Variants in MAF observed in about 807,000 individuals in gnomAD.
The protein encoded by MAF is MAF bZIP transcription factor, also known as transcription factor Maf.
MAF carries 10 observed loss-of-function variants against 22.0 expected under a neutral mutation model. The ratio of observed to expected loss-of-function variants is 0.45; its 90% CI spans 0.28 to 0.77. The LOEUF is 0.77. MAF is among the 30% of genes least tolerant of loss of function. The probability of loss-of-function intolerance (pLI) is 0.12; values close to 1 mark genes in which losing one functional copy is unlikely to be tolerated. For missense variants in MAF, 544 were observed against 548.4 expected, an observed-to-expected ratio of 0.99 and a Z score of 0.08; for synonymous variants, 337 against 255.8, an observed-to-expected ratio of 1.32 and a Z score of -3.03.
the MAF span, among the ~76,000 whole-genome samples, chr16:79,463,801 G>C: frequency 9.9e-5 from 15 of 151,196 alleles, no homozygotes; most frequent in African/African-American, 2.7e-4. Context: ...TTTTTCTTGA[G>C]GTAGTAGATC....
At chr16:79,319,747 T>C in the MAF span, among the ~76,000 whole-genome samples, 3 of 152,156 alleles carry the variant, frequency 2.0e-5, no homozygotes, top group Admixed American at 6.5e-5. Flanking sequence ...GGGCATAGAG[T>C]GAAAAGTGGC....
the MAF span, among the ~76,000 whole-genome samples, chr16:79,565,508 G>C: frequency 8.2e-6 from 1 of 122,418 alleles, no homozygotes; most frequent in African/African-American, 3.1e-5. Context: ...ACGTGTTGTG[G>C]GGGGGGGGAC....
chr16:79,535,633 A>C, the MAF span, among the ~76,000 whole-genome samples: 3 of 118,486 alleles, frequency 2.5e-5, no homozygotes, highest in African/African-American at 6.6e-5. Flanking sequence ...CTTGTCGCCC[A>C]GGCTGGAGTG....
chr16:79,294,768 CA>C, the MAF span, among the ~76,000 whole-genome samples: 1 of 152,158 alleles, frequency 6.6e-6, no homozygotes, highest in South Asian at 2.1e-4. Context: ...ACTGGTTGCA[CA>C]GGGCCAACTC....
At chr16:79,305,905 T>C in the MAF span, among the ~76,000 whole-genome samples, 8 of 152,308 alleles carry the variant, frequency 5.3e-5, no homozygotes, top group South Asian at 1.7e-3. Context: ...GACCACAGCA[T>C]GCTTTTCTGC....
At chr16:79,209,595 G>A in the MAF span, among the ~76,000 whole-genome samples, 4 of 152,160 alleles carry the variant, frequency 2.6e-5, no homozygotes, top group Admixed American at 6.5e-5. Context: ...GGCCACTCTG[G>A]TCGTTTTGGC....
the MAF span, among the ~76,000 whole-genome samples, chr16:79,492,205 A>C: frequency 1.3e-5 from 2 of 152,198 alleles, no homozygotes; most frequent in Non-Finnish European, 2.9e-5. Flanking sequence ...CTCAGACCAC[A>C]CATGAAGAAT....
the MAF span, among the ~76,000 whole-genome samples, chr16:79,482,114 G>A: frequency 3.9e-5 from 6 of 152,254 alleles, no homozygotes; most frequent in South Asian, 2.1e-4. Flanking sequence ...AGGGTTGGAC[G>A]CATTGACAAG....
chr16:79,376,662 T>C, the MAF span, among the ~76,000 whole-genome samples: 1 of 152,210 alleles, frequency 6.6e-6, no homozygotes, highest in Non-Finnish European at 1.5e-5. Flanking sequence ...TATCTCCTAA[T>C]GCTATCCCTC....
chr16:79,454,582 T>C, the MAF span, among the ~76,000 whole-genome samples: 7 of 152,196 alleles, frequency 4.6e-5, no homozygotes, highest in African/African-American at 1.4e-4. Flanking sequence ...ACAGGAATCA[T>C]GCAGCCCATT....
the MAF span, among the ~76,000 whole-genome samples, chr16:79,249,981 T>G: frequency 6.6e-6 from 1 of 152,244 alleles, no homozygotes; most frequent in Non-Finnish European, 1.5e-5. Context: ...GGGGTTAATT[T>G]TTCTCCTCAA....
the MAF span, among the ~76,000 whole-genome samples, chr16:79,388,069 C>G: frequency 6.6e-6 from 1 of 152,196 alleles, no homozygotes; most frequent in Non-Finnish European, 1.5e-5. Context: ...TTATTTTGGA[C>G]TCAGGGCTAG....
At chr16:79,384,901 A>G in the MAF span, among the ~76,000 whole-genome samples, 1 of 152,218 alleles carries the variant, frequency 6.6e-6, no homozygotes, top group Non-Finnish European at 1.5e-5. Flanking sequence ...CAAAATTCTA[A>G]GGCAAGTTGC....
chr16:79,451,944 G>C, the MAF span, among the ~76,000 whole-genome samples: 30 of 152,160 alleles, frequency 2.0e-4, no homozygotes, highest in Non-Finnish European at 4.0e-4. Flanking sequence ...GTCTCTTAGT[G>C]CTTTGCATGC....
At chr16:79,486,226 G>A in the MAF span, among the ~76,000 whole-genome samples, 1 of 152,182 alleles carries the variant, frequency 6.6e-6, no homozygotes, top group Non-Finnish European at 1.5e-5. Flanking sequence ...GGCAAGAGAA[G>A]CATTTCTGGT....
the MAF span, chr16:79,203,484 G>A: frequency 6.7e-6 from 1 of 149,888 alleles, no homozygotes; most frequent in Admixed American, 7.0e-5. Context: ...TGGCCCCAGC[G>A]GAGACCTTGT....
the MAF span, among the ~76,000 whole-genome samples, chr16:79,278,442 G>T: frequency 1.3e-5 from 2 of 152,172 alleles, no homozygotes; most frequent in African/African-American, 4.8e-5. Context: ...CTCTTCCCAA[G>T]ATTTTTGTTT....
At chr16:79,567,535 G>A in the MAF span, among the ~76,000 whole-genome samples, 3 of 152,114 alleles carry the variant, frequency 2.0e-5, no homozygotes, top group Non-Finnish European at 4.4e-5. Context: ...AATGACCAAT[G>A]ATATTAGCAA....
chr16:79,429,285 G>A, the MAF span, among the ~76,000 whole-genome samples: 1 of 152,074 alleles, frequency 6.6e-6, no homozygotes, highest in South Asian at 2.1e-4. Flanking sequence ...CCTGCCCATG[G>A]GTCTGCTACC....
Sources: gnomAD v4.1 joint callset for allele counts (sites outside exome capture counted in the v4.1 genomes callset) on GRCh38, gnomAD v4.1.1 for gene constraint, MANE v1.5 for transcripts, NCBI Gene and HGNC (gene_info 2026-07-23, HGNC 2026-07-21) for gene names.